The following ZFHX3 variants were observed in gnomAD, a reference collection of about 807,000 sequenced individuals.
The protein encoded by ZFHX3 is zinc finger homeobox protein 3.
A neutral mutation model predicts 279.1 loss-of-function variants in ZFHX3; 42 were observed. The observed-to-expected ratio is 0.15, with a 90% CI of 0.12 to 0.19. ZFHX3 has a LOEUF of 0.19. Among genes scored for constraint, ZFHX3 ranks in the 10% least tolerant of loss-of-function variants. The pLI is 1.00. For missense variants in ZFHX3, 4,981 were observed against 4,754.0 expected, an observed-to-expected ratio of 1.05 and a Z score of -1.40; for synonymous variants, 2,293 against 1,957.8, an observed-to-expected ratio of 1.17 and a Z score of -4.52.
chr16:73,488,189 T>C (rs528425288), intron 2 of ZFHX3, among the ~76,000 whole-genome samples: 1 of 152,326 alleles, frequency 6.6e-6, no homozygotes, highest in East Asian at 1.9e-4. Context: ...TGGGAGCTAA[T>C]GTAAGAGCTG....
intron 5 of ZFHX3, among the ~76,000 whole-genome samples, chr16:73,146,070 A>G (rs1272717279): frequency 1.3e-5 from 2 of 152,208 alleles, no homozygotes; most frequent in East Asian, 3.8e-4. Flanking sequence ...GAATTCCAAA[A>G]TTTCCCAAGA....
chr16:73,228,792 C>T (rs940504876), intron 5 of ZFHX3, among the ~76,000 whole-genome samples: 1 of 152,118 alleles, frequency 6.6e-6, no homozygotes, highest in African/African-American at 2.4e-5. Context: ...AAGACCAGAA[C>T]CTGGGATTAC....
intron 8 of ZFHX3, among the ~76,000 whole-genome samples, chr16:73,070,469 A>G (rs1031072539): frequency 3.3e-5 from 5 of 152,286 alleles, no homozygotes; most frequent in African/African-American, 7.2e-5. Flanking sequence ...TAATTATAAA[A>G]GCGAATAGCT....
At chr16:72,982,306 C>T (rs368949829) in intron 1 of ZFHX3, among the ~76,000 whole-genome samples, 3 of 152,172 alleles carry the variant, frequency 2.0e-5, no homozygotes, top group South Asian at 2.1e-4. Flanking sequence ...GTGACTCCTA[C>T]GAGTCATTCT....
At chr16:73,877,255 A>G (rs370905491) in intron 1 of ZFHX3, among the ~76,000 whole-genome samples, 1 of 151,860 alleles carries the variant, frequency 6.6e-6, no homozygotes, top group African/African-American at 2.4e-5. Context: ...ACATTTCACA[A>G]TTCATCAGTT....
chr16:73,427,470 C>T (rs1006717230), intron 3 of ZFHX3, among the ~76,000 whole-genome samples: 1 of 152,138 alleles, frequency 6.6e-6, no homozygotes, highest in Admixed American at 6.5e-5. Flanking sequence ...GCACCAGCTA[C>T]CTGCTCCCAC....
chr16:73,672,158 G>A (rs969056635), intron 2 of ZFHX3, among the ~76,000 whole-genome samples: 1 of 151,864 alleles, frequency 6.6e-6, no homozygotes, highest in Non-Finnish European at 1.5e-5. Flanking sequence ...AAATCAATTA[G>A]AAAAACACCA....
chr16:73,472,915 T>TTA (rs2018694426), intron 2 of ZFHX3, among the ~76,000 whole-genome samples: 1 of 152,156 alleles, frequency 6.6e-6, no homozygotes, highest in Admixed American at 6.6e-5. Flanking sequence ...TCAATTCCCA[T>TTA]TACCCTTTCA....
intron 8 of ZFHX3, among the ~76,000 whole-genome samples, chr16:73,073,699 A>G (rs1965851300): frequency 6.6e-6 from 1 of 151,996 alleles, no homozygotes; most frequent in Non-Finnish European, 1.5e-5. Flanking sequence ...GGGTTTCACC[A>G]TGTTGGCCAG....
chr16:73,154,424 G>T (rs1967022577), intron 5 of ZFHX3, among the ~76,000 whole-genome samples: 1 of 152,178 alleles, frequency 6.6e-6, no homozygotes, highest in African/African-American at 2.4e-5. Flanking sequence ...CCACTGGACA[G>T]TCACTCCCTG....
At chr16:73,275,752 C>A (rs7198916) in intron 4 of ZFHX3, among the ~76,000 whole-genome samples, 15,995 of 152,206 alleles carry the variant, frequency 0.11, 1,359 homozygotes, top group African/African-American at 0.24. Context: ...ATGAAGGGAG[C>A]ACATGCTCTT....
At chr16:73,076,871 G>C (rs1023765676) in intron 8 of ZFHX3, among the ~76,000 whole-genome samples, 1 of 150,396 alleles carries the variant, frequency 6.6e-6, no homozygotes, top group Non-Finnish European at 1.5e-5. Flanking sequence ...AAATATGTGT[G>C]TGTGTATATA....
At chr16:73,367,823 G>T (rs1030029287) in intron 3 of ZFHX3, among the ~76,000 whole-genome samples, 1 of 151,608 alleles carries the variant, frequency 6.6e-6, no homozygotes, top group Non-Finnish European at 1.5e-5. Flanking sequence ...ATACAAGCAC[G>T]TAGTAGGTCT....
chr16:72,943,370 C>T (rs1471977156), intron 3 of ZFHX3, among the ~76,000 whole-genome samples: 3 of 152,094 alleles, frequency 2.0e-5, no homozygotes, highest in Non-Finnish European at 4.4e-5. Flanking sequence ...CCCATCTCTA[C>T]TAAAAGTACA....
intron 2 of ZFHX3, among the ~76,000 whole-genome samples, chr16:73,514,489 T>C (rs1178638888): frequency 6.6e-6 from 1 of 152,144 alleles, no homozygotes; most frequent in African/African-American, 2.4e-5. Context: ...TATTATTACT[T>C]TATATATAAG....
chr16:73,436,584 T>G (rs1188863372), intron 3 of ZFHX3, among the ~76,000 whole-genome samples: 1 of 152,118 alleles, frequency 6.6e-6, no homozygotes, highest in African/African-American at 2.4e-5. Flanking sequence ...GGGAGCACAA[T>G]TCAAGATTTA....
At chr16:73,403,980 T>C (rs1331217112) in intron 3 of ZFHX3, among the ~76,000 whole-genome samples, 1 of 152,138 alleles carries the variant, frequency 6.6e-6, no homozygotes, top group Non-Finnish European at 1.5e-5. Context: ...GAAAGACTCC[T>C]GTGGGGAATT....
In ZFHX3 at chr16:73,821,497, C is replaced by A. The variant is rs151012346; in HGVS notation, c.-1608+70154G>T. Among the ~76,000 whole-genome samples the A allele has an allele frequency of 3.6e-3, 541 of 152,328 alleles. 1 individual carries two copies. The highest frequency in any genetic ancestry group is 0.012 in the African/African-American group (515 of 41,568). ...TAAGCAAACCACAAACCCTCTAAGC[C>A]TCAGAGTTCTCAGCTGTAAACTGGG... On this transcript the variant is annotated intron_variant, in intron 1 of 17. Transcript: ENST00000641206.
intron 1 of ZFHX3, among the ~76,000 whole-genome samples, chr16:73,781,466 C>T (rs1319267713): frequency 6.6e-6 from 1 of 152,150 alleles, no homozygotes; most frequent in Non-Finnish European, 1.5e-5. Context: ...TTGTAAGTCA[C>T]GTTTTGTTAG....
Sources: allele counts gnomAD v4.1 joint callset (sites outside exome capture counted in the v4.1 genomes callset), GRCh38; gene constraint gnomAD v4.1.1; transcripts MANE v1.5; gene names NCBI Gene and HGNC (gene_info 2026-07-23, HGNC 2026-07-21).